The following EYS variants were observed in gnomAD, a reference collection of about 807,000 sequenced individuals.
EYS encodes the protein EGF-like photoreceptor maintenance factor.
A neutral mutation model predicts 282.1 loss-of-function variants in EYS; 250 were observed. That is an observed-to-expected ratio of 0.89 (90% CI 0.80 to 0.98). EYS has a LOEUF of 0.98. Ranked by LOEUF, EYS falls within the 50% of genes least tolerant of loss-of-function variation. The pLI, the probability that EYS is intolerant of heterozygous loss-of-function variation, is 0.00. For missense variants in EYS, 4,016 were observed against 3,709.0 expected, an observed-to-expected ratio of 1.08 and a Z score of -2.15; for synonymous variants, 1,355 against 1,282.9, an observed-to-expected ratio of 1.06 and a Z score of -1.20.
intron 33 of EYS, among the ~76,000 whole-genome samples, chr6:64,045,261 T>A (rs1358052176): frequency 6.6e-6 from 1 of 151,970 alleles, no homozygotes; most frequent in Non-Finnish European, 1.5e-5. Flanking sequence ...CAGGAATACT[T>A]TAAAAAGGTG....
chr6:63,888,423 C>T (rs746492543), intron 35 of EYS, among the ~76,000 whole-genome samples: 5 of 152,310 alleles, frequency 3.3e-5, no homozygotes, highest in Admixed American at 6.5e-5. Flanking sequence ...CCCTCTGGGG[C>T]GAAGCTTCCA....
intron 1 of EYS, among the ~76,000 whole-genome samples, chr6:65,673,607 G>A (rs1187073072): frequency 6.6e-6 from 1 of 152,008 alleles, no homozygotes; most frequent in African/African-American, 2.4e-5. Context: ...GATGAGGCGT[G>A]TTTTTAAAAG....
At chr6:64,488,391 T>C (rs1554167163) in intron 26 of EYS, among the ~76,000 whole-genome samples, 4 of 151,052 alleles carry the variant, frequency 2.6e-5, no homozygotes, top group Non-Finnish European at 5.9e-5. Flanking sequence ...AAAGTGCTCA[T>C]AAAATCAAAA....
intron 37 of EYS, among the ~76,000 whole-genome samples, chr6:63,800,491 GATTA>G (rs1469897673): frequency 6.6e-6 from 1 of 152,194 alleles, no homozygotes; most frequent in African/African-American, 2.4e-5. Flanking sequence ...ACTGCAGTGA[GATTA>G]ATTGTTAAAT....
At chr6:65,636,991 A>C (rs1167123656) in intron 2 of EYS, among the ~76,000 whole-genome samples, 6 of 151,984 alleles carry the variant, frequency 3.9e-5, no homozygotes, top group Non-Finnish European at 8.8e-5. Context: ...TGTTTTTTTA[A>C]AAAATTTTGT....
intron 28 of EYS, among the ~76,000 whole-genome samples, chr6:64,424,724 C>A (rs1266918248): frequency 6.6e-6 from 1 of 152,108 alleles, no homozygotes; most frequent in Non-Finnish European, 1.5e-5. Context: ...ACAAGTTATG[C>A]CCCAGTTACA....
chr6:63,930,128 C>A (rs1430418988), intron 35 of EYS, among the ~76,000 whole-genome samples: 1 of 152,078 alleles, frequency 6.6e-6, no homozygotes, highest in Non-Finnish European at 1.5e-5. Flanking sequence ...TTTTACAATT[C>A]TCACCATAAA....
At chr6:64,374,217 A>C in intron 29 of EYS, among the ~76,000 whole-genome samples, 3 of 30,580 alleles carry the variant, frequency 9.8e-5, no homozygotes, top group Admixed American at 4.9e-4. Context: ...GGGGTGGGGG[A>C]TGAGTGGTGT....
chr6:64,783,289 T>C (rs1338145462), intron 22 of EYS, among the ~76,000 whole-genome samples: 3 of 151,614 alleles, frequency 2.0e-5, no homozygotes, highest in Non-Finnish European at 2.9e-5. Context: ...TTATCCTATA[T>C]ACATATCCTA....
chr6:64,251,725 G>A (rs543619303), intron 30 of EYS, among the ~76,000 whole-genome samples: 7 of 152,088 alleles, frequency 4.6e-5, no homozygotes, highest in East Asian at 3.9e-4. Flanking sequence ...AATATTCATC[G>A]TGTGCCTAGT....
intron 22 of EYS, among the ~76,000 whole-genome samples, chr6:64,626,490 C>T (rs983624448): frequency 1.3e-5 from 2 of 152,090 alleles, no homozygotes; most frequent in African/African-American, 2.4e-5. Flanking sequence ...AATTAAGTAT[C>T]TTGAGATGAG....
Position 65,468,460 on chromosome 6 carries a change from A to G in EYS, c.862+22134T>C, listed in dbSNP as rs527314513. Among the ~76,000 whole-genome samples the G allele has an allele frequency of 1.1e-4, 17 of 152,226 alleles. No homozygotes were observed. In the East Asian group the frequency reaches 3.3e-3, roughly 29 times the overall value. ...CCTGGGTGCTTCAGGATGGACTTAC[A>G]ACATAACAGCCAGCCTTTAAAGTTA... is the stretch of plus-strand genomic sequence containing the variant. On this transcript the variant is annotated intron_variant, in intron 5 of 42. Coordinates refer to ENST00000503581, the MANE Select transcript of EYS (RefSeq NM_001142800.2).
At chr6:63,895,635 A>G (rs1773516970) in intron 35 of EYS, among the ~76,000 whole-genome samples, 1 of 152,196 alleles carries the variant, frequency 6.6e-6, no homozygotes, top group Non-Finnish European at 1.5e-5. Context: ...TCTTTCAGTA[A>G]GATAGATCTT....
intron 33 of EYS, among the ~76,000 whole-genome samples, chr6:64,018,751 T>C (rs912054191): frequency 1.4e-5 from 2 of 138,742 alleles, no homozygotes; most frequent in Non-Finnish European, 3.1e-5. Context: ...CTGAATGTCA[T>C]CACAAGTGTT....
At chr6:65,145,496 G>C (rs1764455463) in intron 12 of EYS, among the ~76,000 whole-genome samples, 2 of 150,340 alleles carry the variant, frequency 1.3e-5, no homozygotes, top group Admixed American at 1.3e-4. Context: ...GTCCAGGTCT[G>C]TCAGACTATG....
chr6:65,459,966 TTTTATATATATATA>T (rs1764761924), intron 5 of EYS, among the ~76,000 whole-genome samples: 1 of 62,164 alleles, frequency 1.6e-5, no homozygotes, highest in African/African-American at 6.4e-5. Flanking sequence ...TGTTTGTGTA[TTTTATATATATATA>T]TATATATATA....
chr6:63,776,327 GT>G (rs1265118173), intron 40 of EYS, among the ~76,000 whole-genome samples: 3 of 152,122 alleles, frequency 2.0e-5, no homozygotes, highest in Middle Eastern at 3.2e-3. Flanking sequence ...ATTATTTGCT[GT>G]TTTTAAGTTC....
intron 5 of EYS, among the ~76,000 whole-genome samples, chr6:65,457,372 C>T (rs1764664574): frequency 6.6e-6 from 1 of 151,882 alleles, no homozygotes; most frequent in Admixed American, 6.6e-5. Context: ...ACTTTGTTGC[C>T]CAAGCTGGTC....
At chr6:64,453,121 A>T (rs924748019) in intron 26 of EYS, among the ~76,000 whole-genome samples, 2 of 152,218 alleles carry the variant, frequency 1.3e-5, no homozygotes, top group Non-Finnish European at 2.9e-5. Flanking sequence ...ACAAAGGGCT[A>T]ATATCCAGAA....
Sources: gnomAD v4.1 joint callset for allele counts (sites outside exome capture counted in the v4.1 genomes callset) on GRCh38, gnomAD v4.1.1 for gene constraint, MANE v1.5 for transcripts, NCBI Gene and HGNC (gene_info 2026-07-23, HGNC 2026-07-21) for gene names.